The following EXOSC4 variants were observed in gnomAD, a reference collection of about 807,000 sequenced individuals.
EXOSC4 encodes exosome component 4.
In EXOSC4, 14 loss-of-function variants were observed where a neutral mutation model predicts 20.0. The observed-to-expected ratio is 0.70, with a 90% CI of 0.46 to 1.09. EXOSC4 has a LOEUF of 1.09. Among genes scored for constraint, EXOSC4 ranks in the 50% least tolerant of loss-of-function variants. The probability of loss-of-function intolerance (pLI) is 0.00; values close to 1 mark genes in which losing one functional copy is unlikely to be tolerated. For synonymous variants in EXOSC4, 148 were observed against 146.4 expected (o/e 1.01, Z -0.08); for missense variants, 337 against 334.0 (o/e 1.01, Z -0.07).
At chr8:144,074,052 T>C (rs539335528), upstream of EXOSC4, among the ~76,000 whole-genome samples, 109 of 152,268 alleles carry the variant, frequency 7.2e-4, no homozygotes, top group African/African-American at 2.2e-3. Flanking sequence ...CCTGTGCTGC[T>C]GTAAGGAGTT....
the EXOSC4 span, among the ~76,000 whole-genome samples, chr8:144,066,015 G>A: frequency 4.1e-5 from 6 of 146,616 alleles, no homozygotes; most frequent in East Asian, 4.0e-4. Flanking sequence ...ACAGGGTCTC[G>A]CTATGTTTTG....
intron 1 of EXOSC4, chr8:144,079,593 TA>T (rs1485940402): frequency 2.5e-6 from 1 of 400,852 alleles, no homozygotes; most frequent in Non-Finnish European, 4.8e-6. Context: ...GGTGAGGACT[TA>T]GGGTTTTGTA....
chr8:144,079,748 CAAGG>C, intron 1 of EXOSC4, 191 bp from the exon 2 acceptor site: 1 of 713,442 alleles, frequency 1.4e-6, no homozygotes, highest in Non-Finnish European at 2.5e-6. Context: ...AGGATGGACA[CAAGG>C]AAGCCAATTA....
chr8:144,064,629 G>T, the EXOSC4 span, among the ~76,000 whole-genome samples: 3 of 152,234 alleles, frequency 2.0e-5, no homozygotes, highest in Non-Finnish European at 4.4e-5. Flanking sequence ...TCACATGGAG[G>T]TTGCAGCGAG....
the EXOSC4 span, among the ~76,000 whole-genome samples, chr8:144,072,614 G>T: frequency 6.6e-6 from 1 of 152,180 alleles, no homozygotes; most frequent in Non-Finnish European, 1.5e-5. Context: ...ACCTCCGCAA[G>T]ATCAACTTTT....
chr8:144,069,207 G>A, the EXOSC4 span, among the ~76,000 whole-genome samples: 11 of 152,234 alleles, frequency 7.2e-5, no homozygotes, highest in African/African-American at 2.2e-4. Flanking sequence ...CCTCTGCACC[G>A]GTGCCAGGCT....
At chr8:144,075,319 T>C (rs954874220), upstream of EXOSC4, among the ~76,000 whole-genome samples, 4 of 151,934 alleles carry the variant, frequency 2.6e-5, no homozygotes, top group Admixed American at 6.6e-5. Flanking sequence ...CTCCGCCTCC[T>C]GGGTTCACGC....
At chr8:144,067,416 C>G in the EXOSC4 span, among the ~76,000 whole-genome samples, 1 of 152,132 alleles carries the variant, frequency 6.6e-6, no homozygotes, top group Non-Finnish European at 1.5e-5. Flanking sequence ...GGGAGAGTCT[C>G]CACTGCTGGG....
the EXOSC4 span, among the ~76,000 whole-genome samples, chr8:144,064,479 G>A: frequency 2.0e-5 from 3 of 152,272 alleles, no homozygotes; most frequent in African/African-American, 7.2e-5. Flanking sequence ...GGGCAGGCCA[G>A]GGCTACAGGG....
Position 144,080,426 on chromosome 8 carries a change from C to T in EXOSC4, c.563C>T (p.Ala188Val). The T allele has an allele frequency of 6.2e-7, 1 of 1,610,518 alleles. No homozygotes were observed. Among genetic ancestry groups the T allele is most frequent in the Non-Finnish European group, 8.5e-7 (1 of 1,179,976 alleles). ...GCTGGTGGCCCCCAGCTGGCCCTGGCCCTGCTGCCAGCCTCAGGACAGATT... is the reference window on the plus strand; with the variant it reads ...GCTGGTGGCCCCCAGCTGGCCCTGGTCCTGCTGCCAGCCTCAGGACAGATT... ...EAAGGPQLAL[A>V]LLPASGQIAL... Residue 188 changes from alanine (A) to valine (V), a missense_variant, in exon 3 of 3, where the codon GCC becomes GTC. Coordinates refer to ENST00000316052, the MANE Select transcript of EXOSC4 (RefSeq NM_019037.3). This position sits in a 1 kb window ranked among gnomAD's most constrained non-coding sequence, Gnocchi z 4.9.
chr8:144,065,962 C>T, the EXOSC4 span, among the ~76,000 whole-genome samples: 15 of 150,268 alleles, frequency 1.0e-4, no homozygotes, highest in African/African-American at 3.7e-4. Flanking sequence ...ATGCATGCAC[C>T]ACCATGCCTG....
At chr8:144,079,845 C>A in intron 1 of EXOSC4, 98 bp from the exon 2 acceptor site, 1 of 1,173,908 alleles carries the variant, frequency 8.5e-7, no homozygotes, top group South Asian at 1.2e-5. Context: ...TTGCCCCTTG[C>A]TGAGGCATTG....
At chr8:144,067,403 CAG>C in the EXOSC4 span, among the ~76,000 whole-genome samples, 1 of 152,102 alleles carries the variant, frequency 6.6e-6, no homozygotes, top group East Asian at 1.9e-4. Flanking sequence ...AGATTCCACA[CAG>C]GGGAGAGTCT....
the EXOSC4 span, among the ~76,000 whole-genome samples, chr8:144,065,552 A>C: frequency 2.6e-5 from 4 of 152,004 alleles, no homozygotes; most frequent in Admixed American, 2.0e-4. Flanking sequence ...AACATGGTGA[A>C]ACCCCATCTC....
At chr8:144,067,711 G>A in the EXOSC4 span, among the ~76,000 whole-genome samples, 1 of 152,218 alleles carries the variant, frequency 6.6e-6, no homozygotes, top group Non-Finnish European at 1.5e-5. Flanking sequence ...GATGAACAAA[G>A]ATAGAAAATG....
upstream of EXOSC4, among the ~76,000 whole-genome samples, chr8:144,076,892 C>T (rs1409321646): frequency 6.6e-6 from 1 of 150,770 alleles, no homozygotes; most frequent in African/African-American, 2.5e-5. Context: ...ATGGTGAAAC[C>T]CCATCTCTAC....
the EXOSC4 span, among the ~76,000 whole-genome samples, chr8:144,066,608 A>T: frequency 1.3e-5 from 2 of 150,022 alleles, no homozygotes; most frequent in Non-Finnish European, 1.5e-5. Flanking sequence ...TGCCTGGCTA[A>T]TTTTTTTGTA....
the EXOSC4 span, among the ~76,000 whole-genome samples, chr8:144,069,679 G>A: frequency 3.3e-5 from 5 of 152,192 alleles, no homozygotes; most frequent in African/African-American, 9.7e-5. Context: ...TCAGTGATTC[G>A]GGCCTGAGTG....
At position 144,080,202 on chromosome 8, in the gene EXOSC4, G is replaced by T. The variant is rs11784223; in HGVS notation, c.379-40G>T. The T allele has an allele frequency of 2.5e-6, 4 of 1,608,492 alleles. No individual in the cohort carries two copies. In the Admixed American group the frequency reaches 6.7e-5, roughly 27 times the overall value. Reference sequence around the variant, plus strand: ...GGAGGGAAGGGTGTGATGGGGTTGGGGAGGGAGTCTGATAGACTGACACCC... The same window carrying T: ...GGAGGGAAGGGTGTGATGGGGTTGGTGAGGGAGTCTGATAGACTGACACCC... On this transcript the variant is annotated intron_variant, in intron 2 of 2. Transcript: ENST00000316052. This position sits in a 1 kb window ranked among gnomAD's most constrained non-coding sequence, Gnocchi z 4.9.
Sources: allele counts gnomAD v4.1 joint callset (sites outside exome capture counted in the v4.1 genomes callset), GRCh38; gene constraint gnomAD v4.1.1; non-coding constraint Gnocchi (gnomAD v3.1); transcripts MANE v1.5; gene names NCBI Gene and HGNC (gene_info 2026-07-23, HGNC 2026-07-21).